MOB3A: variants seen among roughly 807,000 people sequenced by gnomAD.
The protein encoded by MOB3A is MOB kinase activator 3A.
MOB3A carries 17 observed loss-of-function variants against 17.8 expected under a neutral mutation model. The ratio of observed to expected loss-of-function variants is 0.95; its 90% CI spans 0.65 to 1.43. The LOEUF is 1.43. Ranked by LOEUF, MOB3A falls within the 40% of genes most tolerant of loss-of-function variation. MOB3A has a pLI of 0.00. For synonymous variants in MOB3A, 124 were observed against 133.2 expected, an observed-to-expected ratio of 0.93 and a Z score of 0.48; for missense variants, 333 against 310.8, an observed-to-expected ratio of 1.07 and a Z score of -0.54.
At chr19:2,076,505 A>G (rs1214569024) in intron 4 of MOB3A, among the ~76,000 whole-genome samples, 1 of 152,210 alleles carries the variant, frequency 6.6e-6, no homozygotes, top group African/African-American at 2.4e-5. Flanking sequence ...CCCTTTCATA[A>G]GGGACACTGA....
Position 2,076,917 on chromosome 19 carries a change from C to T in MOB3A, c.518G>A (p.Arg173His), listed in dbSNP as rs534131418. The change falls in exon 4 of 5, where the codon CGC becomes CAC. Residue 173 changes from arginine to histidine, a missense_variant. Arg to His is a conservative substitution (Grantham distance 29). Transcript: ENST00000357066. The part of the protein sequence containing the change: ...FVHVYIHHFD[R>H]IAQMGSEAHV... The stretch of plus-strand genomic sequence containing the variant: ...GGCCTCGGAGCCCATCTGCGCGATG[C>T]GGTCAAAGTGGTGGATGTAGACGTG... 1.4e-5 allele frequency: 23 copies of T among 1,614,000 alleles called. No individual in the cohort carries two copies. In the East Asian group the frequency reaches 2.2e-4, roughly 16 times the overall value.
rs1223370875 is a variant in MOB3A at position 2,072,031 on chromosome 19, T to C, written c.*1364A>G. ...TGTCTCTACTAAAATACAAAAAAAT[T>C]AGCCGGGTGTGACGGTGGGTGCCTG... On this transcript the variant is annotated 3_prime_UTR_variant, in exon 5 of 5. Coordinates refer to ENST00000357066, the MANE Select transcript of MOB3A (RefSeq NM_130807.3). 1 of 151,948 alleles carries C rather than the reference T, an allele frequency of 6.6e-6. No individual in the cohort carries two copies. The highest frequency in any genetic ancestry group is 2.4e-5 in the African/African-American group (1 of 41,320). The allele number at this position is 151,948 out of a possible 1,614,324, so 9.4% of individuals were successfully genotyped here.
chr19:2,082,692 C>T lies in MOB3A; in HGVS notation c.-120+2483G>A, dbSNP rs1441637637. On this transcript the variant is annotated intron_variant, in intron 2 of 4. Transcript: ENST00000357066. The surrounding 1 kb of genome is among the most constrained non-coding windows in gnomAD (Gnocchi z 4.1). ...TTCCCGGGCCAGCGCTGCTCCACCA[C>T]GGGGCCCCTCCACTGCCTAGCAGAG... Among the ~76,000 whole-genome samples the T allele has an allele frequency of 6.6e-6, 1 of 152,208 alleles. No individual in the cohort carries two copies. Among genetic ancestry groups the T allele is most frequent in the Non-Finnish European group, 1.5e-5 (1 of 68,044 alleles).
chr19:2,080,671 C>T (rs977680912), intron 2 of MOB3A, among the ~76,000 whole-genome samples: 9 of 152,150 alleles, frequency 5.9e-5, no homozygotes, highest in East Asian at 3.9e-4. Flanking sequence ...CCACCGCGCC[C>T]GGCTGTGTTG....
At chr19:2,081,452 G>A (rs548465012) in intron 2 of MOB3A, among the ~76,000 whole-genome samples, 2 of 152,160 alleles carry the variant, frequency 1.3e-5, no homozygotes, top group South Asian at 4.1e-4. Flanking sequence ...GCCAGACATG[G>A]TGGCGGGCGC....
chr19:2,083,950 T>C (rs375185463), intron 2 of MOB3A, among the ~76,000 whole-genome samples: 3 of 152,016 alleles, frequency 2.0e-5, no homozygotes, highest in African/African-American at 7.2e-5. Context: ...TTTAAAACTT[T>C]TTGTAGAGAT....
At chr19:2,087,201 T>G (rs527632876) in intron 1 of MOB3A, among the ~76,000 whole-genome samples, 3 of 152,354 alleles carry the variant, frequency 2.0e-5, no homozygotes, top group African/African-American at 7.2e-5. Flanking sequence ...ATTCTCCTGA[T>G]AGTCTTTTCT....
In MOB3A at chr19:2,089,350, G is replaced by A. The variant is rs547504775; in HGVS notation, c.-273-4022C>T. On this transcript the variant is annotated intron_variant, in intron 1 of 4. Transcript: ENST00000357066. The stretch of plus-strand genomic sequence containing the variant: ...GATCCTTCAATTCTGAATCTGCTGC[G>A]TCTGCCACTAGGGCAGCGTTTCCAC... Among the ~76,000 whole-genome samples the A allele has an allele frequency of 3.5e-4, 54 of 152,282 alleles. 2 individuals carry two copies. The highest frequency in any genetic ancestry group is 3.2e-3 in the Admixed American group (49 of 15,304).
chr19:2,079,528 C>T (rs921906296), intron 2 of MOB3A, among the ~76,000 whole-genome samples: 8 of 152,206 alleles, frequency 5.3e-5, no homozygotes, highest in African/African-American at 1.4e-4. Context: ...CTTCCACAAG[C>T]GAAGGGTCGC....
intron 1 of MOB3A, among the ~76,000 whole-genome samples, chr19:2,087,589 A>AGGCT (rs1394018826): frequency 2.0e-5 from 3 of 152,232 alleles, no homozygotes; most frequent in Non-Finnish European, 4.4e-5. Context: ...CAGGAGATCA[A>AGGCT]GGCTGCAGTG....
intron 1 of MOB3A, among the ~76,000 whole-genome samples, chr19:2,092,140 C>T (rs1278765675): frequency 7.0e-6 from 1 of 142,612 alleles, no homozygotes; most frequent in Non-Finnish European, 1.5e-5. Flanking sequence ...TCGCTCTATC[C>T]CCCAGGCTGG....
chr19:2,084,235 G>C (rs1336399389), intron 2 of MOB3A: 1 of 455,752 alleles, frequency 2.2e-6, no homozygotes, highest in Non-Finnish European at 4.4e-6. Context: ...GCTCATGCCT[G>C]TAATCCCTGC....
chr19:2,077,317 G>A (rs570324620), intron 3 of MOB3A, among the ~76,000 whole-genome samples: 1 of 151,918 alleles, frequency 6.6e-6, no homozygotes, highest in Non-Finnish European at 1.5e-5. Flanking sequence ...CAGAAGAATC[G>A]CTTGAACCTG....
At position 2,093,462 on chromosome 19, in the gene MOB3A, C is replaced by CCCAGAGAAGTCTCTGGAACACACAGTGGG. The variant is rs1273743075; in HGVS notation, c.-274+2735_-274+2763dup. ...GGCCTTCACTTCTGCCTTTCGGAAT[C>CCCAGAGAAGTCTCTGGAACACACAGTGGG]CCAGAGAAGTCTCTGGAACACACAG... On this transcript the variant is annotated intron_variant, in intron 1 of 4. Transcript: ENST00000357066. This position sits in a 1 kb window ranked among gnomAD's most constrained non-coding sequence, Gnocchi z 4.6. Among the ~76,000 whole-genome samples, 7 of 152,162 alleles carry CCCAGAGAAGTCTCTGGAACACACAGTGGG rather than the reference C, an allele frequency of 4.6e-5. No individual in the cohort carries two copies. The East Asian group carries it at 1.4e-3, about 29-fold the overall frequency.
rs139411390 is a variant in MOB3A, at chr19:2,095,177, AAAACAAAC to A, written c.-274+1041_-274+1048del. ...GAGTGAGACTCCAAACTCCGTCTCAAAAACAAACAAACAAACAAACAAACAAACAAAAA... is the reference window on the plus strand; with the variant it reads ...GAGTGAGACTCCAAACTCCGTCTCAAAAACAAACAAACAAACAAACAAAAA... On this transcript the variant is annotated intron_variant, in intron 1 of 4. Transcript: ENST00000357066. 1.4e-3 allele frequency: 219 copies of A among 152,176 alleles called. 1 individual carries two copies. Among genetic ancestry groups the A allele is most frequent in the South Asian group, 5.2e-3 (26 of 5,010 alleles). 9.4% of individuals were successfully genotyped at this position (152,176 alleles called of 1,614,324 possible). A position where few individuals can be genotyped will look rare whatever the true frequency, so the allele number is the denominator to read the frequency against.
chr19:2,078,090 A>T (rs761641781), intron 3 of MOB3A, 50 bp downstream of exon 3: 1 of 1,497,018 alleles, frequency 6.7e-7, no homozygotes, highest in African/African-American at 1.4e-5. Context: ...GGCCTCCCTG[A>T]CTTTTCTGGA....
intron 1 of MOB3A, among the ~76,000 whole-genome samples, chr19:2,087,039 C>T (rs2017562014): frequency 6.6e-6 from 1 of 152,160 alleles, no homozygotes; most frequent in African/African-American, 2.4e-5. Flanking sequence ...GATCTTCCCA[C>T]CTCAGCCACC....
intron 1 of MOB3A, among the ~76,000 whole-genome samples, chr19:2,088,039 C>T (rs556568522): frequency 6.6e-6 from 1 of 152,298 alleles, no homozygotes; most frequent in Admixed American, 6.5e-5. Context: ...CTCTCAGCCA[C>T]ACTCAGCTGC....
intron 2 of MOB3A, among the ~76,000 whole-genome samples, chr19:2,080,739 C>A (rs373040493): frequency 6.6e-6 from 1 of 152,122 alleles, no homozygotes; most frequent in African/African-American, 2.4e-5. Context: ...CATGACTGGG[C>A]GAGTGTTTGG....
Sources: allele counts gnomAD v4.1 joint callset (sites outside exome capture counted in the v4.1 genomes callset), GRCh38; gene constraint gnomAD v4.1.1; non-coding constraint Gnocchi (gnomAD v3.1); transcripts MANE v1.5; gene names NCBI Gene and HGNC (gene_info 2026-07-23, HGNC 2026-07-21).